Variants in DMD observed in about 807,000 individuals in gnomAD.
DMD encodes the protein mutant dystrophin.
A neutral mutation model predicts 330.1 loss-of-function variants in DMD; 63 were observed. The observed-to-expected ratio is 0.19, with a 90% CI of 0.16 to 0.24. The LOEUF (loss-of-function observed/expected upper bound fraction) is 0.24, where lower values mean the gene tolerates loss of function less well. Among genes scored for constraint, DMD ranks in the 10% least tolerant of loss-of-function variants. DMD has a pLI of 1.00. For synonymous variants in DMD, 1,223 were observed against 959.8 expected (o/e 1.27, Z -5.07); for missense variants, 3,344 against 2,684.1 (o/e 1.25, Z -5.43).
chrX:32,038,563 G>A (rs1603622771), intron 44 of DMD, among the ~76,000 whole-genome samples: 1 of 111,008 alleles, frequency 9.0e-6, no homozygotes, highest in African/African-American at 3.3e-5. Flanking sequence ...AGTTCCAAGT[G>A]TCAGGGACCT....
rs200729967 is a variant in DMD at position 31,507,328 on chromosome X, G to C, written c.8343C>G (p.Asn2781Lys). 1 of 1,211,585 alleles carries C rather than the reference G, an allele frequency of 8.3e-7. No individual in the cohort carries two copies. The change falls in exon 56 of 79, where the codon AAC becomes AAG. Residue 2781 changes from asparagine to lysine, a missense_variant. Asn to Lys is a moderately conservative substitution (Grantham distance 94). Coordinates refer to ENST00000357033, the MANE Select transcript of DMD (RefSeq NM_004006.3). ...DAVLLQRRLD[N>K]MNFKWSELRK... Reference sequence around the variant, plus strand: ...GAAGTTCACTCCACTTGAAGTTCATGTTATCCAAACGTCTTTGTAACAGGA... The same window carrying C: ...GAAGTTCACTCCACTTGAAGTTCATCTTATCCAAACGTCTTTGTAACAGGA...
chrX:33,183,116 A>C (rs759228753), intron 1 of DMD, among the ~76,000 whole-genome samples: 1 of 112,056 alleles, frequency 8.9e-6, no homozygotes, highest in African/African-American at 3.2e-5. Context: ...AACTATTTTA[A>C]ATCTTTTAAA....
At chrX:33,212,534 G>C (rs953619474), upstream of DMD, among the ~76,000 whole-genome samples, 3 of 111,589 alleles carry the variant, frequency 2.7e-5, no homozygotes, top group Non-Finnish European at 5.7e-5. Context: ...TTTTGTTTGA[G>C]TGTTTTTATT....
intron 2 of DMD, among the ~76,000 whole-genome samples, chrX:32,949,249 C>A (rs2091028332): frequency 1.8e-5 from 1 of 55,148 alleles, no homozygotes; most frequent in African/African-American, 8.9e-5. Context: ...TAAATCGTTA[C>A]ATACACACAC....
At chrX:33,181,795 C>T (rs1390532615) in intron 1 of DMD, among the ~76,000 whole-genome samples, 1 of 111,667 alleles carries the variant, frequency 9.0e-6, no homozygotes, top group Non-Finnish European at 1.9e-5. Context: ...TTGAAAAATA[C>T]TATGTGAAAG....
chrX:31,401,261 G>A (rs2061178913), intron 60 of DMD, among the ~76,000 whole-genome samples: 1 of 111,771 alleles, frequency 8.9e-6, no homozygotes, highest in African/African-American at 3.2e-5. Context: ...GAGTTTAGAT[G>A]AGTTATTTCT....
At chrX:33,200,353 C>A in intron 1 of DMD, among the ~76,000 whole-genome samples, 1 of 110,311 alleles carries the variant, frequency 9.1e-6, no homozygotes, top group African/African-American at 3.3e-5. Flanking sequence ...ATCAGTAAAG[C>A]CAAAAACTTT....
At chrX:33,078,908 G>A (rs1055987010) in intron 1 of DMD, among the ~76,000 whole-genome samples, 10 of 112,021 alleles carry the variant, frequency 8.9e-5, no homozygotes, top group Non-Finnish European at 1.9e-4. Context: ...ACAGTCCAAA[G>A]AAAACCAAAC....
intron 1 of DMD, among the ~76,000 whole-genome samples, chrX:33,283,402 T>C (rs2053371135): frequency 9.1e-6 from 1 of 109,525 alleles, no homozygotes; most frequent in African/African-American, 3.3e-5. Flanking sequence ...TAGCCGAGCG[T>C]GGTGGTGGGC....
At chrX:31,899,029 A>C (rs1206981637) in intron 47 of DMD, among the ~76,000 whole-genome samples, 1 of 112,122 alleles carries the variant, frequency 8.9e-6, no homozygotes, top group Non-Finnish European at 1.9e-5. Flanking sequence ...AACACCACCA[A>C]AGGTAAAGTG....
At chrX:32,180,241 G>A (rs1379706812) in intron 44 of DMD, among the ~76,000 whole-genome samples, 1 of 111,483 alleles carries the variant, frequency 9.0e-6, no homozygotes, top group African/African-American at 3.3e-5. Context: ...CGTAGGGTCA[G>A]CAGTTTCTTA....
chrX:31,484,623 GCTT>G (rs1362833216), intron 57 of DMD, among the ~76,000 whole-genome samples: 1 of 111,636 alleles, frequency 9.0e-6, no homozygotes, highest in Non-Finnish European at 1.9e-5. Context: ...TTGTCCTTGA[GCTT>G]CTTAAGGTTC....
At chrX:32,191,552 G>A (rs1052749648) in intron 44 of DMD, among the ~76,000 whole-genome samples, 1 of 111,351 alleles carries the variant, frequency 9.0e-6, no homozygotes, top group Non-Finnish European at 1.9e-5. Context: ...CCGGGAACAC[G>A]ATTTTGGGCA....
In DMD at chrX:32,518,272, C is replaced by T. The variant is rs966073332; in HGVS notation, c.2169-141G>A. On this transcript the variant is annotated intron_variant, in intron 17 of 78. Coordinates refer to ENST00000357033, the MANE Select transcript of DMD (RefSeq NM_004006.3). Reference sequence around the variant, plus strand: ...ACCTCTATTAGTATTAATAGCAGCACTATTTTCCCTGTTAGGTAGACTCAA... The same window carrying T: ...ACCTCTATTAGTATTAATAGCAGCATTATTTTCCCTGTTAGGTAGACTCAA... 1.5e-5 allele frequency: 9 copies of T among 602,503 alleles called. No homozygotes were observed. In the African/African-American group the frequency reaches 1.6e-4, roughly 11 times the overall value. The allele number at this position is 602,503 out of a possible 1,213,427, so 49.7% of individuals were successfully genotyped here. A position where few individuals can be genotyped will look rare whatever the true frequency, so the allele number is the denominator to read the frequency against.
chrX:32,797,835 C>T (rs907214547), intron 7 of DMD, among the ~76,000 whole-genome samples: 6 of 110,955 alleles, frequency 5.4e-5, no homozygotes, highest in African/African-American at 2.0e-4. Context: ...TGAAAATAAT[C>T]CTGGTAAGCT....
At chrX:32,985,817 G>C (rs1410540294) in intron 2 of DMD, among the ~76,000 whole-genome samples, 1 of 111,236 alleles carries the variant, frequency 9.0e-6, no homozygotes, top group African/African-American at 3.3e-5. Context: ...CCAATTAATT[G>C]TTGAAACCTA....
chrX:31,991,355 AGG>A (rs1353128112), intron 44 of DMD, among the ~76,000 whole-genome samples: 51 of 111,408 alleles, frequency 4.6e-4, no homozygotes, highest in African/African-American at 1.4e-3. Flanking sequence ...TTACAACGTA[AGG>A]TACTATGACT....
At chrX:31,753,695 T>C (rs1443201572) in intron 51 of DMD, among the ~76,000 whole-genome samples, 1 of 111,954 alleles carries the variant, frequency 8.9e-6, no homozygotes, top group African/African-American at 3.2e-5. Context: ...ATTCTGAATT[T>C]TTAAAATGAT....
intron 2 of DMD, among the ~76,000 whole-genome samples, chrX:32,886,067 G>T (rs2084533175): frequency 9.0e-6 from 1 of 111,181 alleles, no homozygotes; most frequent in African/African-American, 3.3e-5. Flanking sequence ...AGATAAAAGT[G>T]TATCATATAT....
Sources: gnomAD v4.1 joint callset for allele counts (sites outside exome capture counted in the v4.1 genomes callset) on GRCh38, gnomAD v4.1.1 for gene constraint, MANE v1.5 for transcripts, NCBI Gene and HGNC (gene_info 2026-07-23, HGNC 2026-07-21) for gene names.